DERL1: variants seen among roughly 807,000 people sequenced by gnomAD.
DERL1 encodes the protein derlin 1.
A neutral mutation model predicts 41.6 loss-of-function variants in DERL1; 24 were observed. The ratio of observed to expected loss-of-function variants is 0.58; its 90% CI spans 0.42 to 0.81. The LOEUF (loss-of-function observed/expected upper bound fraction) is 0.81, where lower values mean the gene tolerates loss of function less well. Ranked by LOEUF, DERL1 falls within the 30% of genes least tolerant of loss-of-function variation. The probability of loss-of-function intolerance (pLI) is 0.00; values close to 1 mark genes in which losing one functional copy is unlikely to be tolerated. For synonymous variants in DERL1, 124 were observed against 112.5 expected, an observed-to-expected ratio of 1.10 and a Z score of -0.65; for missense variants, 260 against 314.3, an observed-to-expected ratio of 0.83 and a Z score of 1.31.
intron 1 of DERL1, among the ~76,000 whole-genome samples, chr8:123,040,383 C>A (rs1189571711): frequency 6.6e-6 from 1 of 152,204 alleles, no homozygotes; most frequent in African/African-American, 2.4e-5. Flanking sequence ...CCACGGTTAT[C>A]TTCCTCAGGC....
chr8:123,034,706 CACT>C (rs1812888192), intron 1 of DERL1, among the ~76,000 whole-genome samples: 1 of 152,168 alleles, frequency 6.6e-6, no homozygotes, highest in African/African-American at 2.4e-5. Context: ...TGTAAGTGTT[CACT>C]ACTACAGACA....
Position 123,015,300 on chromosome 8 carries a change from C to T in DERL1, c.*147G>A, listed in dbSNP as rs1814528673. On this transcript the variant is annotated 3_prime_UTR_variant, in exon 8 of 8. Transcript: ENST00000259512. ...CTTGTGGAACACTTATATTTTTCTTCGGGATTTAAGAAACTTTGTCTCGTA... is the reference window on the plus strand; with the variant it reads ...CTTGTGGAACACTTATATTTTTCTTTGGGATTTAAGAAACTTTGTCTCGTA... 4 of 1,079,360 alleles carry T rather than the reference C, an allele frequency of 3.7e-6. No individual in the cohort carries two copies. The highest frequency in any genetic ancestry group is 2.7e-5 in the Admixed American group (1 of 36,652). 66.9% of individuals were successfully genotyped at this position (1,079,360 alleles called of 1,614,324 possible).
intron 5 of DERL1, among the ~76,000 whole-genome samples, chr8:123,021,994 T>G (rs1003466443): frequency 1.3e-5 from 2 of 152,150 alleles, no homozygotes. Context: ...ATAAGAAAGC[T>G]CTCCAGATGA....
intron 1 of DERL1, among the ~76,000 whole-genome samples, chr8:123,041,241 C>G (rs1277496430): frequency 6.6e-6 from 1 of 152,244 alleles, no homozygotes; most frequent in Admixed American, 6.5e-5. Context: ...CCAGATCTTG[C>G]TATCTGACCT....
chr8:123,020,437 G>A (rs906401584), intron 6 of DERL1, among the ~76,000 whole-genome samples: 1 of 151,868 alleles, frequency 6.6e-6, no homozygotes, highest in African/African-American at 2.4e-5. Flanking sequence ...CCAAGATCAC[G>A]CCACTGCACT....
At chr8:123,036,015 G>A (rs2097560536) in intron 1 of DERL1, among the ~76,000 whole-genome samples, 1 of 152,046 alleles carries the variant, frequency 6.6e-6, no homozygotes, top group Non-Finnish European at 1.5e-5. Flanking sequence ...GCTGGGTGGG[G>A]AGACACAACG....
chr8:123,023,840 G>A, intron 3 of DERL1, 101 bp from the exon 4 acceptor site: 1 of 1,341,954 alleles, frequency 7.5e-7, no homozygotes, highest in South Asian at 1.4e-5. Context: ...ACTTGGCCAG[G>A]TGTAATTTGG....
rs757221210 is a variant in DERL1, at chr8:123,025,058, C to T, written c.266-8G>A. ...GCCTCCCATCAAAAGCTCCTGGAAACAAAAACAAGCCAAATGTCATGGTTC... is the reference window on the plus strand; with the variant it reads ...GCCTCCCATCAAAAGCTCCTGGAAATAAAAACAAGCCAAATGTCATGGTTC... On this transcript the variant is annotated splice_region_variant and splice_polypyrimidine_tract_variant and intron_variant, in intron 2 of 7. Coordinates refer to ENST00000259512, the MANE Select transcript of DERL1 (RefSeq NM_024295.6). 3.1e-6 allele frequency: 5 copies of T among 1,611,794 alleles called. No individual in the cohort carries two copies. The Middle Eastern group carries it at 6.6e-4, about 213-fold the overall frequency.
intron 7 of DERL1, chr8:123,016,298 C>T (rs1238893335): frequency 6.6e-6 from 1 of 152,208 alleles, no homozygotes; most frequent in African/African-American, 2.4e-5. Context: ...TATTTCCCAT[C>T]TTTGACTCTT....
chr8:123,030,949 A>G (rs983256218), intron 1 of DERL1, among the ~76,000 whole-genome samples: 3 of 152,250 alleles, frequency 2.0e-5, no homozygotes, highest in African/African-American at 7.2e-5. Flanking sequence ...AAATATTTCT[A>G]AACAAGTTGA....
chr8:123,026,905 C>A (rs2130475828), intron 2 of DERL1, among the ~76,000 whole-genome samples: 1 of 152,218 alleles, frequency 6.6e-6, no homozygotes, highest in East Asian at 1.9e-4. Flanking sequence ...ATCTTGAAAA[C>A]ATTATGCTAC....
chr8:123,030,682 G>C lies in DERL1; in HGVS notation c.188C>G (p.Pro63Arg). 1 of 1,612,868 alleles carries C rather than the reference G, an allele frequency of 6.2e-7. No homozygotes were observed. ...AAGAAATCCAGTTCCTGGACCCACA[G>C]GGAAATAAAAGGTGGCAGTGATTGG... ...WRPITATFYF[P>R]VGPGTGFLYL... is the part of the protein sequence containing the mutation. The change falls in exon 2 of 8, where the codon CCT (proline) becomes CGT (arginine). Residue 63 changes from proline to arginine, a missense_variant. Physicochemically the swap from Pro to Arg is moderately radical, Grantham distance 103. Transcript: ENST00000259512.
chr8:123,033,572 T>C (rs10102928), intron 1 of DERL1, among the ~76,000 whole-genome samples: 70,250 of 151,806 alleles, frequency 0.46, 17,822 homozygotes, highest in South Asian at 0.57. Context: ...GGAGAAACCT[T>C]GTCTCTACTA....
intron 2 of DERL1, among the ~76,000 whole-genome samples, chr8:123,027,949 C>G (rs982036741): frequency 2.4e-4 from 36 of 151,862 alleles, no homozygotes; most frequent in African/African-American, 8.7e-4. Context: ...GTAATCCCAG[C>G]TACTCGGGAG....
rs369770184 is a variant in DERL1, at chr8:123,042,104, A to G, written c.19T>C (p.Trp7Arg). 8 of 1,610,458 alleles carry G rather than the reference A, an allele frequency of 5.0e-6. No homozygotes were observed. In the African/African-American group the frequency reaches 8.0e-5, roughly 16 times the overall value. Residue 7 changes from tryptophan (W) to arginine (R), a missense_variant, in exon 1 of 8, where the codon TGG (tryptophan) becomes CGG (arginine). By Grantham distance (101) the Trp-to-Arg change is moderately radical. Transcript: ENST00000259512. The stretch of plus-strand genomic sequence containing the variant: ...GTGATCGCCGGGATGCTCCTGAACC[A>G]GTCTCCGATGTCCGACATCTTCGAC... Reference protein sequence around the residue: MSDIGDWFRSIPAITRY... With the variant: MSDIGDRFRSIPAITRY...
Position 123,022,753 on chromosome 8 carries a change from T to C in DERL1, c.384A>G (p.Ser128=). ...MQLLMIPLIM[S]VLYVWAQLNR... is the part of the protein sequence containing the mutation. ...TCAGCTGGGCCCAGACATAAAGTAC[T>C]GACATGATCAGAGGAATCATCAGCA... Residue 128 remains serine, a synonymous_variant, in exon 5 of 8, where the codon TCA becomes TCG. Coordinates refer to ENST00000259512, the MANE Select transcript of DERL1 (RefSeq NM_024295.6). 1 of 1,614,080 alleles carries C rather than the reference T, an allele frequency of 6.2e-7. No individual in the cohort carries two copies. Among genetic ancestry groups the C allele is most frequent in the South Asian group, 1.1e-5 (1 of 91,086 alleles).
chr8:123,037,916 G>T (rs1216112784), intron 1 of DERL1, among the ~76,000 whole-genome samples: 1 of 152,132 alleles, frequency 6.6e-6, no homozygotes, highest in African/African-American at 2.4e-5. Flanking sequence ...AAGGCAGCAG[G>T]AATTGCCACC....
chr8:123,027,315 AAAAAT>A (rs1203822660), intron 2 of DERL1, among the ~76,000 whole-genome samples: 3 of 147,048 alleles, frequency 2.0e-5, no homozygotes, highest in South Asian at 2.2e-4. Flanking sequence ...AAAAAAAAAA[AAAAAT>A]TTAGTGGTCT....
intron 1 of DERL1, among the ~76,000 whole-genome samples, chr8:123,037,320 T>C (rs1265777212): frequency 6.6e-6 from 1 of 152,218 alleles, no homozygotes; most frequent in Non-Finnish European, 1.5e-5. Context: ...TTTCTGAAAT[T>C]AGAGTGTCTT....
Sources: gnomAD v4.1 joint callset for allele counts (sites outside exome capture counted in the v4.1 genomes callset) on GRCh38, gnomAD v4.1.1 for gene constraint, MANE v1.5 for transcripts, NCBI Gene and HGNC (gene_info 2026-07-23, HGNC 2026-07-21) for gene names.